NDST2: variants seen among roughly 807,000 people sequenced by gnomAD.
NDST2 encodes the protein bifunctional heparan sulfate N-deacetylase/N-sulfotransferase 2.
Under a neutral mutation model 86.9 loss-of-function variants are expected in NDST2, and 32 were observed. The ratio of observed to expected loss-of-function variants is 0.37; its 90% confidence interval spans 0.28 to 0.49. The LOEUF (loss-of-function observed/expected upper bound fraction) is 0.49. Among genes scored for constraint, NDST2 ranks in the 20% least tolerant of loss-of-function variants. The probability of loss-of-function intolerance (pLI) is 0.97; values close to 1 mark genes in which losing one functional copy is unlikely to be tolerated. For missense variants in NDST2, 950 were observed against 1,146.9 expected (o/e 0.83, Z 2.48); for synonymous variants, 409 against 437.0 (o/e 0.94, Z 0.80).
chr10:73,807,748 G>A lies in NDST2; in HGVS notation c.641C>T (p.Pro214Leu), dbSNP rs768496645. 1.9e-6 allele frequency: 3 copies of A among 1,614,174 alleles called. No homozygotes were observed. The highest frequency in any genetic ancestry group is 2.5e-6 in the Non-Finnish European group (3 of 1,180,044). The change falls in exon 3 of 15, where the codon CCC becomes CTC. Residue 214 changes from proline to leucine, a missense_variant. This residue lies in a region of NDST2 where 586 missense variants were observed against 714.0 expected (regional missense o/e 0.82). Transcript: ENST00000309979. ...PSAPLLHLTRPSRLEPGPLPG... is the reference protein window; with the variant it reads ...PSAPLLHLTRLSRLEPGPLPG... ...CAGTGGCCCTGGTTCTAGGCGGCTG[G>A]GGCGTGTGAGATGCAGTAGCGGGGC...
chr10:73,805,997 G>C lies in NDST2; in HGVS notation c.1466C>G (p.Thr489Ser), dbSNP rs765170244. ...VLPRQTCGLF[T>S]HTIFYNEYPG... ...ATACTCATTATAGAAGATTGTGTGA[G>C]TGAAGAGGCCACATGTCTGCCGGGG... The change falls in exon 7 of 15, where the codon ACT becomes AGT. Residue 489 changes from threonine to serine, a missense_variant. This residue lies in a region of NDST2 where 586 missense variants were observed against 714.0 expected (regional missense o/e 0.82). Transcript: ENST00000309979. 2.5e-6 allele frequency: 4 copies of C among 1,614,184 alleles called. No homozygotes were observed. Among genetic ancestry groups the C allele is most frequent in the South Asian group, 1.1e-5 (1 of 91,068 alleles).
chr10:73,807,832 C>A lies in NDST2; in HGVS notation c.557G>T (p.Gly186Val), dbSNP rs1269857452. The A allele has an allele frequency of 6.2e-7, 1 of 1,614,170 alleles. No individual in the cohort carries two copies. The highest frequency in any genetic ancestry group is 8.5e-7 in the Non-Finnish European group (1 of 1,180,028). The change falls in exon 3 of 15, where the codon GGC (glycine) becomes GTC (valine). Residue 186 changes from glycine (G) to valine (V), a missense_variant. By Grantham distance (109) the Gly-to-Val change is moderately radical (BLOSUM62 -3). This residue lies in a region of NDST2 where 586 missense variants were observed against 714.0 expected (regional missense o/e 0.82). Coordinates refer to ENST00000309979, the MANE Select transcript of NDST2 (RefSeq NM_003635.4). The part of the protein sequence containing the change: ...EHSLLSAQLK[G>V]FPLFLHSNLG... ...GTTTGAGTGTAAAAAAAGGGGAAAG[C>A]CCTTGAGCTGGGCGCTCAGTAGGCT...
chr10:73,802,059 C>T lies in NDST2; in HGVS notation c.*392G>A. 2.8e-6 allele frequency: 1 copy of T among 359,486 alleles called. No individual in the cohort carries two copies. Among genetic ancestry groups the T allele is most frequent in the Non-Finnish European group, 5.2e-6 (1 of 191,970 alleles). The allele number at this position is 359,486 out of a possible 1,614,324, so 22.3% of individuals were successfully genotyped here. Reference sequence around the variant, plus strand: ...GCCACAGGTAGATCCCACTGCCTGGCTAAAGGGGCCATAGCAAGGGGTCCC... The same window carrying T: ...GCCACAGGTAGATCCCACTGCCTGGTTAAAGGGGCCATAGCAAGGGGTCCC... On this transcript the variant is annotated 3_prime_UTR_variant, in exon 15 of 15. Transcript: ENST00000309979.
rs774943072 is a variant in NDST2 at position 73,803,286 on chromosome 10, G to T, written c.2216C>A (p.Thr739Asn). 1 of 1,614,194 alleles carries T rather than the reference G, an allele frequency of 6.2e-7. No individual in the cohort carries two copies. The highest frequency in any genetic ancestry group is 1.1e-5 in the South Asian group (1 of 91,084). Residue 739 changes from threonine (T) to asparagine (N), a missense_variant, in exon 12 of 15, where the codon ACC becomes AAC. This residue lies in a region of NDST2 where 303 missense variants were observed against 323.7 expected (regional missense o/e 0.94). Coordinates refer to ENST00000309979, the MANE Select transcript of NDST2 (RefSeq NM_003635.4). ...FYQVISASSQTPLALRSLQNR... is the reference protein window; with the variant it reads ...FYQVISASSQNPLALRSLQNR... The stretch of plus-strand genomic sequence containing the variant: ...CTGCAGGGAGCGTAGTGCCAGAGGG[G>T]TCTGGGAGGAGGCTGAAATCACCTG...
chr10:73,811,232 T>G (rs1393719578), intron 1 of NDST2, among the ~76,000 whole-genome samples: 1 of 151,950 alleles, frequency 6.6e-6, no homozygotes, highest in Non-Finnish European at 1.5e-5. Context: ...CGGCGGCGAC[T>G]CCGGGGTGAC....
intron 12 of NDST2, 37 bp downstream of exon 12, chr10:73,803,152 A>C: frequency 6.2e-7 from 1 of 1,613,762 alleles, no homozygotes; most frequent in South Asian, 1.1e-5. Context: ...GAAGAGGGGA[A>C]GGGGAACCCC....
At position 73,807,692 on chromosome 10, in the gene NDST2, T is replaced by C. The variant is rs1252259205; in HGVS notation, c.697A>G (p.Asn233Asp). ...PGDDWTIFQSNHSTYEPVLLA... is the reference protein window; with the variant it reads ...PGDDWTIFQSDHSTYEPVLLA... ...AGCACTGGTTCATATGTACTATGAT[T>C]GGATTGGAAGATGGTCCAGTCATCA... Residue 233 changes from asparagine to aspartate, a missense_variant, in exon 3 of 15, where the codon AAT (asparagine) becomes GAT (aspartate). This residue lies in a region of NDST2 where 586 missense variants were observed against 714.0 expected (regional missense o/e 0.82). Transcript: ENST00000309979. The C allele has an allele frequency of 1.2e-6, 2 of 1,614,114 alleles. No individual in the cohort carries two copies. Among genetic ancestry groups the C allele is most frequent in the African/African-American group, 2.7e-5 (2 of 74,930 alleles).
chr10:73,802,139 G>T lies in NDST2; in HGVS notation c.*312C>A. ...GGTATAGAATAGATACACTGCTGCG[G>T]ATGAAGAGGGAAATCTCATTGGACT... On this transcript the variant is annotated 3_prime_UTR_variant, in exon 15 of 15. Transcript: ENST00000309979. The T allele has an allele frequency of 2.2e-6, 1 of 461,448 alleles. No individual in the cohort carries two copies. Among genetic ancestry groups the T allele is most frequent in the Non-Finnish European group, 3.9e-6 (1 of 254,450 alleles). 28.6% of individuals were successfully genotyped at this position (461,448 alleles called of 1,614,324 possible).
chr10:73,805,506 T>G (rs1377129831), intron 8 of NDST2, 81 bp downstream of exon 8: 3 of 1,396,544 alleles, frequency 2.1e-6, no homozygotes, highest in Non-Finnish European at 3.0e-6. Flanking sequence ...AGAGCGAGAT[T>G]CTGTCTCAAA....
Position 73,807,467 on chromosome 10 carries a change from C to A in NDST2, c.922G>T (p.Asp308Tyr), listed in dbSNP as rs1318348509. 6.2e-7 allele frequency: 1 copy of A among 1,614,192 alleles called. No homozygotes were observed. Among genetic ancestry groups the A allele is most frequent in the East Asian group, 2.2e-5 (1 of 44,882 alleles). Residue 308 changes from aspartate (D) to tyrosine (Y), a missense_variant, in exon 3 of 15, where the codon GAC becomes TAC. By Grantham distance (160) the Asp-to-Tyr change is radical. Around this residue, in one of 5 missense-constraint regions of NDST2, gnomAD observed 586 missense variants for 714.0 expected, o/e 0.82. Transcript: ENST00000309979. Reference protein sequence around the residue: ...AYLTGKRLCLDLDRYILVDID... With the variant: ...AYLTGKRLCLYLDRYILVDID... The stretch of plus-strand genomic sequence containing the variant: ...TCTACCAAGATGTAGCGGTCAAGGT[C>A]CAGGCAGAGGCGCTTGCCAGTGAGG...
intron 9 of NDST2, 143 bp from the exon 10 acceptor site, chr10:73,804,159 T>C: frequency 1.1e-6 from 1 of 872,130 alleles, no homozygotes; most frequent in Non-Finnish European, 1.7e-6. Flanking sequence ...AGGAGGCAAG[T>C]CTGAGAGAGG....
At position 73,803,339 on chromosome 10, in the gene NDST2, G is replaced by A; in HGVS notation, c.2163C>T (p.Asp721=). Residue 721 remains aspartate, a synonymous_variant, in exon 12 of 15, where the codon GAC becomes GAT. Coordinates refer to ENST00000309979, the MANE Select transcript of NDST2 (RefSeq NM_003635.4). The stretch of plus-strand genomic sequence containing the variant: ...AGAAGGTATAGTTCAGAGCAACTGG[G>A]TCTCCATGGGCTCGCTGATGCTGAA... ...SWYQHQRAHG[D]PVALNYTFYQ... 1.2e-6 allele frequency: 2 copies of A among 1,614,236 alleles called. No homozygotes were observed. The highest frequency in any genetic ancestry group is 1.3e-5 in the African/African-American group (1 of 75,048).
At position 73,804,812 on chromosome 10, in the gene NDST2, G is replaced by A. The variant is rs2084069784; in HGVS notation, c.1804C>T (p.Arg602Cys). Residue 602 changes from arginine (R) to cysteine (C), a missense_variant, in exon 9 of 15, where the codon CGT becomes TGT. Transcript: ENST00000309979. ...DIWSKEKTCD[R>C]LPKFLIVGPQ... ...CCCACAATGAGGAACTTCGGGAGAC[G>A]ATCACAGGTTTTCTCCTTGGACCAG... The A allele has an allele frequency of 1.2e-6, 2 of 1,613,222 alleles. No individual in the cohort carries two copies. Among genetic ancestry groups the A allele is most frequent in the Non-Finnish European group, 8.5e-7 (1 of 1,179,586 alleles).
rs1258563718 is a variant in NDST2, at chr10:73,808,237, G to T, written c.152C>A (p.Pro51His). The T allele has an allele frequency of 6.2e-7, 1 of 1,611,448 alleles. No homozygotes were observed. The highest frequency in any genetic ancestry group is 1.1e-5 in the South Asian group (1 of 90,694). The stretch of plus-strand genomic sequence containing the variant: ...CCCACCGCTGCTGCAGTCTCCCAAG[G>T]GCAGGGGCAAGGGTTCCTTGGCCTT... Reference protein sequence around the residue: ...SPKAKEPLPLPLGDCSSGGAA... With the variant: ...SPKAKEPLPLHLGDCSSGGAA... The change falls in exon 3 of 15, where the codon CCC becomes CAC. Residue 51 changes from proline (P) to histidine (H), a missense_variant. Pro to His is a moderately conservative substitution (Grantham distance 77). Coordinates refer to ENST00000309979, the MANE Select transcript of NDST2 (RefSeq NM_003635.4). This position sits in a 1 kb window ranked among gnomAD's most constrained non-coding sequence, Gnocchi z 4.3.
At chr10:73,803,530 C>T (rs1170576300) in intron 11 of NDST2, 44 bp downstream of exon 11, 3 of 753,590 alleles carry the variant, frequency 4.0e-6, no homozygotes, top group Non-Finnish European at 6.4e-6. Flanking sequence ...CCCCTCCCCC[C>T]TCCCCCCAAC....
At chr10:73,810,194 C>CA (rs2084171631) in intron 2 of NDST2, among the ~76,000 whole-genome samples, 1 of 152,134 alleles carries the variant, frequency 6.6e-6, no homozygotes, top group Non-Finnish European at 1.5e-5. Context: ...CGTGGTGCCT[C>CA]ACGCCTGTAA....
At chr10:73,804,138 A>T in intron 9 of NDST2, 122 bp from the exon 10 acceptor site, 1 of 1,145,372 alleles carries the variant, frequency 8.7e-7, no homozygotes, top group Admixed American at 2.3e-5. Context: ...CTATGGCCAA[A>T]CTACAATGAT....
At position 73,808,459 on chromosome 10, in the gene NDST2, G is replaced by A. The variant is rs2084146186; in HGVS notation, c.-71C>T. 1.4e-6 allele frequency: 2 copies of A among 1,418,068 alleles called. No individual in the cohort carries two copies. Among genetic ancestry groups the A allele is most frequent in the Non-Finnish European group, 1.9e-6 (2 of 1,054,620 alleles). 87.8% of individuals were successfully genotyped at this position (1,418,068 alleles called of 1,614,324 possible). On this transcript the variant is annotated 5_prime_UTR_variant, in exon 3 of 15. Coordinates refer to ENST00000309979, the MANE Select transcript of NDST2 (RefSeq NM_003635.4). This position sits in a 1 kb window ranked among gnomAD's most constrained non-coding sequence, Gnocchi z 4.3. ...TGGGAGGTAGGAGTTCTATAGGCTA[G>A]GACTGTCTTGGAAGGGTAGAAGGAT...
intron 8 of NDST2, among the ~76,000 whole-genome samples, chr10:73,805,329 A>G (rs1047134964): frequency 6.6e-6 from 1 of 151,770 alleles, no homozygotes; most frequent in Non-Finnish European, 1.5e-5. Flanking sequence ...CCTGACCAAC[A>G]TGGTGAAACC....
Sources: allele counts gnomAD v4.1 joint callset (sites outside exome capture counted in the v4.1 genomes callset), GRCh38; gene constraint gnomAD v4.1.1; regional missense constraint gnomAD v4.1.1; non-coding constraint Gnocchi (gnomAD v3.1); transcripts MANE v1.5; gene names NCBI Gene and HGNC (gene_info 2026-07-23, HGNC 2026-07-21).